BTBD3: variants seen among roughly 807,000 people sequenced by gnomAD.
BTBD3 encodes the protein BTB/POZ domain-containing protein 3.
A neutral mutation model predicts 41.6 loss-of-function variants in BTBD3; 14 were observed. The ratio of observed to expected loss-of-function variants is 0.34; its 90% CI spans 0.22 to 0.53. The LOEUF is 0.53. Ranked by LOEUF, BTBD3 falls within the 20% of genes least tolerant of loss-of-function variation. The probability of loss-of-function intolerance (pLI) is 0.95; values close to 1 mark genes in which losing one functional copy is unlikely to be tolerated. For synonymous variants in BTBD3, 249 were observed against 233.7 expected, an observed-to-expected ratio of 1.07 and a Z score of -0.60; for missense variants, 426 against 654.7, an observed-to-expected ratio of 0.65 and a Z score of 3.81.
intron 3 of BTBD3, among the ~76,000 whole-genome samples, chr20:11,920,118 T>C (rs1159726365): frequency 6.6e-6 from 1 of 152,242 alleles, no homozygotes; most frequent in Non-Finnish European, 1.5e-5. Context: ...CAAATAACTT[T>C]CTGGTATTAG....
At chr20:11,907,431 C>G (rs1031335113) in intron 1 of BTBD3, among the ~76,000 whole-genome samples, 1 of 152,164 alleles carries the variant, frequency 6.6e-6, no homozygotes, top group Admixed American at 6.5e-5. Context: ...ACCAGTTGCA[C>G]CCCACAAGTG....
rs576959682 is a variant in BTBD3, at chr20:11,918,026, A to G, written c.-250A>G. 29 of 1,231,378 alleles carry G rather than the reference A, an allele frequency of 2.4e-5. No individual in the cohort carries two copies. In the Admixed American group the frequency reaches 5.1e-4, roughly 22 times the overall value. 76.3% of individuals were successfully genotyped at this position (1,231,378 alleles called of 1,614,324 possible). A position where few individuals can be genotyped will look rare whatever the true frequency, so the allele number is the denominator to read the frequency against. On this transcript the variant is annotated 5_prime_UTR_variant, in exon 1 of 4. Coordinates refer to ENST00000378226, the MANE Select transcript of BTBD3 (RefSeq NM_014962.4). ...AGCATTTTCAGGTGATCTAGGAAAC[A>G]GTTATTTTTATGAGCAAATAAGAGA...
chr20:11,900,569 A>G (rs949752586), intron 1 of BTBD3, among the ~76,000 whole-genome samples: 7 of 151,872 alleles, frequency 4.6e-5, no homozygotes, highest in African/African-American at 1.7e-4. Context: ...TGAGGGACTA[A>G]TTTTGGCCCT....
In BTBD3 at chr20:11,923,141, C is replaced by A. The variant is rs1211696363; in HGVS notation, c.1044C>A (p.Ile348=). The A allele has an allele frequency of 1.2e-6, 2 of 1,614,058 alleles. No homozygotes were observed. The highest frequency in any genetic ancestry group is 1.1e-5 in the South Asian group (1 of 91,094). Residue 348 remains isoleucine (I), a synonymous_variant, in exon 4 of 4, where the codon ATC becomes ATA. Transcript: ENST00000378226. The surrounding 1 kb of genome is among the most constrained non-coding windows in gnomAD (Gnocchi z 5.3). The part of the protein sequence containing the change: ...GVLTLNETND[I]FLWYTAAKKP... ...TAACTCTCAATGAGACCAACGACAT[C>A]TTCCTCTGGTATACTGCAGCCAAAA...
chr20:11,894,401 G>A (rs910018349), intron 1 of BTBD3, among the ~76,000 whole-genome samples: 1 of 152,176 alleles, frequency 6.6e-6, no homozygotes, highest in Non-Finnish European at 1.5e-5. Context: ...AGAGTGTATG[G>A]TCTACCTGTA....
intron 1 of BTBD3, 55 bp from the exon 2 acceptor site, chr20:11,919,031 A>G (rs1178956696): frequency 7.6e-7 from 1 of 1,318,894 alleles, no homozygotes; most frequent in Non-Finnish European, 1.1e-6. Flanking sequence ...ATGTTGGGGA[A>G]GGGGATGTTA....
intron 2 of BTBD3, chr20:11,919,414 G>A: frequency 2.1e-6 from 3 of 1,406,552 alleles, no homozygotes; most frequent in Non-Finnish European, 2.8e-6. Context: ...ATGGGAAGTT[G>A]TTGTGACAGG....
intron 1 of BTBD3, among the ~76,000 whole-genome samples, chr20:11,898,886 G>T (rs1396576803): frequency 6.6e-6 from 1 of 152,154 alleles, no homozygotes; most frequent in African/African-American, 2.4e-5. Context: ...TGACAAAAAA[G>T]CCTGGCCAAG....
upstream of BTBD3, among the ~76,000 whole-genome samples, chr20:11,914,851 A>G (rs1057401303): frequency 6.6e-6 from 1 of 152,112 alleles, no homozygotes; most frequent in Non-Finnish European, 1.5e-5. Flanking sequence ...TTCCATTTGT[A>G]TGCCTGTATG....
At chr20:11,899,157 C>G (rs2056808783) in intron 1 of BTBD3, among the ~76,000 whole-genome samples, 1 of 152,098 alleles carries the variant, frequency 6.6e-6, no homozygotes, top group African/African-American at 2.4e-5. Flanking sequence ...TCTTTCATGG[C>G]CCCTTCTAGT....
At chr20:11,915,008 T>G (rs1375328194), upstream of BTBD3, among the ~76,000 whole-genome samples, 1 of 152,214 alleles carries the variant, frequency 6.6e-6, no homozygotes, top group South Asian at 2.1e-4. Context: ...AAATGATTTG[T>G]TCAAATACTC....
chr20:11,919,901 C>A (rs768604188), intron 3 of BTBD3, 65 bp downstream of exon 3: 18 of 1,380,686 alleles, frequency 1.3e-5, no homozygotes, highest in Non-Finnish European at 1.9e-5. Context: ...GCTGGTTTCA[C>A]AGTTAAATTT....
intron 1 of BTBD3, chr20:11,891,093 G>C: frequency 1.8e-6 from 1 of 558,734 alleles, no homozygotes; most frequent in Non-Finnish European, 2.3e-6. Flanking sequence ...GTGGCCGCAG[G>C]TCGGCCTCGG....
At chr20:11,897,180 T>C (rs2056791884) in intron 1 of BTBD3, among the ~76,000 whole-genome samples, 1 of 152,150 alleles carries the variant, frequency 6.6e-6, no homozygotes, top group African/African-American at 2.4e-5. Flanking sequence ...CCGCCTGTTG[T>C]CACAAATAGT....
intron 3 of BTBD3, chr20:11,921,543 CCCCAGG>C (rs1415778030): frequency 6.6e-6 from 1 of 152,192 alleles, no homozygotes; most frequent in Non-Finnish European, 1.5e-5. Flanking sequence ...CTAGGATCCT[CCCCAGG>C]GTCCTGGCTC....
Position 11,925,038 on chromosome 20 carries a change from T to TGGACAACTCAGTG in BTBD3, c.*1372_*1373insGGACAACTCAGTG, listed in dbSNP as rs1409922535. The TGGACAACTCAGTG allele has an allele frequency of 6.5e-5, 10 of 152,714 alleles. No homozygotes were observed. Among genetic ancestry groups the TGGACAACTCAGTG allele is most frequent in the Admixed American group, 2.0e-4 (3 of 15,288 alleles). The allele number at this position is 152,714 out of a possible 1,614,324, so 9.5% of individuals were successfully genotyped here. A position where few individuals can be genotyped will look rare whatever the true frequency, so the allele number is the denominator to read the frequency against. ...CCCTGGCAGTGTCCAGTGTGTTCACTTCCAGTTGAAGTATCCATGTGTTTC... is the reference window on the plus strand; with the variant it reads ...CCCTGGCAGTGTCCAGTGTGTTCACTGGACAACTCAGTGTCCAGTTGAAGTATCCATGTGTTTC... On this transcript the variant is annotated 3_prime_UTR_variant, in exon 4 of 4. Transcript: ENST00000378226.
intron 1 of BTBD3, among the ~76,000 whole-genome samples, chr20:11,898,021 G>C (rs2056798651): frequency 6.6e-6 from 1 of 152,096 alleles, no homozygotes; most frequent in Non-Finnish European, 1.5e-5. Flanking sequence ...AGCCAGACGT[G>C]ATGGCATGCA....
intron 1 of BTBD3, chr20:11,910,406 T>C (rs777995610): frequency 1.2e-4 from 18 of 152,204 alleles, no homozygotes; most frequent in Admixed American, 3.3e-4. Flanking sequence ...CCCAGTAGGA[T>C]TGATTGAAGT....
At chr20:11,920,894 G>GTA (rs1453932895) in intron 3 of BTBD3, among the ~76,000 whole-genome samples, 1 of 152,150 alleles carries the variant, frequency 6.6e-6, no homozygotes, top group Non-Finnish European at 1.5e-5. Flanking sequence ...GAACTTAAAA[G>GTA]TATTTAATTC....
Sources: allele counts gnomAD v4.1 joint callset (sites outside exome capture counted in the v4.1 genomes callset), GRCh38; gene constraint gnomAD v4.1.1; non-coding constraint Gnocchi (gnomAD v3.1); transcripts MANE v1.5; gene names NCBI Gene and HGNC (gene_info 2026-07-23, HGNC 2026-07-21).